PTPRZ1: variants seen among roughly 807,000 people sequenced by gnomAD.
PTPRZ1 encodes receptor-type tyrosine-protein phosphatase zeta.
Under a neutral mutation model 214.1 loss-of-function variants are expected in PTPRZ1, and 82 were observed. The observed-to-expected ratio is 0.38, with a 90% CI of 0.32 to 0.46. PTPRZ1 has a LOEUF of 0.46. Among genes scored for constraint, PTPRZ1 ranks in the 20% least tolerant of loss-of-function variants. The pLI is 1.00. For synonymous variants in PTPRZ1, 945 were observed against 987.9 expected, an observed-to-expected ratio of 0.96 and a Z score of 0.81; for missense variants, 2,603 against 2,748.7, an observed-to-expected ratio of 0.95 and a Z score of 1.19.
At chr7:122,050,289 C>A (rs1475620826) in intron 23 of PTPRZ1, among the ~76,000 whole-genome samples, 1 of 150,970 alleles carries the variant, frequency 6.6e-6, no homozygotes, top group African/African-American at 2.4e-5. Flanking sequence ...TAAAAAATAC[C>A]AAAATTAGCC....
At chr7:122,051,361 G>A in intron 23 of PTPRZ1, 67 bp from the exon 24 acceptor site, 9 of 628,768 alleles carry the variant, frequency 1.4e-5, no homozygotes, top group East Asian at 3.9e-5. Flanking sequence ...CTGTATGTAT[G>A]TGTGTGTGTG....
chr7:121,885,010 A>G (rs1489131533), intron 1 of PTPRZ1, among the ~76,000 whole-genome samples: 1 of 152,144 alleles, frequency 6.6e-6, no homozygotes, highest in Non-Finnish European at 1.5e-5. Context: ...AAATAACAAT[A>G]AGCCTGTATT....
chr7:121,957,570 G>A (rs1321256997), intron 2 of PTPRZ1, among the ~76,000 whole-genome samples: 2 of 152,130 alleles, frequency 1.3e-5, no homozygotes, highest in African/African-American at 4.8e-5. Flanking sequence ...CTCCTCCCTT[G>A]CAGTGAATGA....
chr7:122,017,377 A>T (rs2052096), intron 12 of PTPRZ1, among the ~76,000 whole-genome samples: 29,907 of 151,844 alleles, frequency 0.2, 3,064 homozygotes, highest in Admixed American at 0.25. Context: ...TATTAGCTAC[A>T]ACTCAGGGCT....
At chr7:121,888,706 G>A (rs1317781692) in intron 1 of PTPRZ1, among the ~76,000 whole-genome samples, 1 of 152,066 alleles carries the variant, frequency 6.6e-6, no homozygotes, top group Non-Finnish European at 1.5e-5. Context: ...AGGACAAAAT[G>A]TAATTGTTAT....
rs1305747317 is a variant in PTPRZ1 at position 122,044,174 on chromosome 7, C to T, written c.5938-248C>T. On this transcript the variant is annotated intron_variant, in intron 22 of 29. Transcript: ENST00000393386. Reference sequence around the variant, plus strand: ...TTGCCTTGCCAACTCTTCCTGCCTCCTAACCTATTGTGTATTGCCAACAAT... The same window carrying T: ...TTGCCTTGCCAACTCTTCCTGCCTCTTAACCTATTGTGTATTGCCAACAAT... Among the ~76,000 whole-genome samples the T allele has an allele frequency of 3.3e-5, 5 of 152,110 alleles. No homozygotes were observed. The South Asian group carries it at 1.0e-3, about 32-fold the overall frequency.
intron 17 of PTPRZ1, among the ~76,000 whole-genome samples, chr7:122,034,979 T>C (rs1799492270): frequency 6.6e-6 from 1 of 152,128 alleles, no homozygotes; most frequent in Admixed American, 6.6e-5. Flanking sequence ...CTTTCTTCTG[T>C]CTTCTTATAG....
intron 2 of PTPRZ1, among the ~76,000 whole-genome samples, chr7:121,933,566 T>C (rs1210725966): frequency 6.6e-6 from 1 of 152,166 alleles, no homozygotes; most frequent in Non-Finnish European, 1.5e-5. Context: ...TCGCTGGATA[T>C]GCTAGAATGA....
chr7:121,916,354 C>T (rs1795426764), intron 1 of PTPRZ1, among the ~76,000 whole-genome samples: 1 of 151,860 alleles, frequency 6.6e-6, no homozygotes, highest in Admixed American at 6.6e-5. Flanking sequence ...TTAATTATCT[C>T]TAGGTGTCCC....
At chr7:121,942,063 CATAGATG>C (rs1253147501) in intron 2 of PTPRZ1, among the ~76,000 whole-genome samples, 1 of 152,166 alleles carries the variant, frequency 6.6e-6, no homozygotes, top group Non-Finnish European at 1.5e-5. Context: ...ATCAATTTCT[CATAGATG>C]ATTGCCTGAA....
intron 1 of PTPRZ1, among the ~76,000 whole-genome samples, chr7:121,875,449 G>T (rs1277404423): frequency 6.6e-6 from 1 of 152,132 alleles, no homozygotes; most frequent in East Asian, 1.9e-4. Flanking sequence ...ATTTGCAAAG[G>T]TTTTTCTCTG....
At chr7:121,967,515 A>T (rs1295477311) in intron 2 of PTPRZ1, among the ~76,000 whole-genome samples, 1 of 152,204 alleles carries the variant, frequency 6.6e-6, no homozygotes, top group African/African-American at 2.4e-5. Context: ...GGCTAGGACT[A>T]ACTACCTTAC....
rs1793936122 is a variant in PTPRZ1, at chr7:121,873,309, G to T, written c.-191G>T. ...TCTCTGACTGTCTCTCTCTGTCTCT[G>T]TCTCTGTCTCTCTCTCTCTCACACA... On this transcript the variant is annotated 5_prime_UTR_variant, in exon 1 of 30. Transcript: ENST00000393386. 1.8e-6 allele frequency: 1 copy of T among 551,324 alleles called. No individual in the cohort carries two copies. The highest frequency in any genetic ancestry group is 3.2e-6 in the Non-Finnish European group (1 of 316,176). The allele number at this position is 551,324 out of a possible 1,614,324, so 34.2% of individuals were successfully genotyped here. A position where few individuals can be genotyped will look rare whatever the true frequency, so the allele number is the denominator to read the frequency against.
intron 3 of PTPRZ1, among the ~76,000 whole-genome samples, chr7:121,968,462 G>A (rs984697954): frequency 2.6e-5 from 4 of 151,976 alleles, no homozygotes; most frequent in Admixed American, 2.6e-4. Context: ...GAGCATTATA[G>A]TTTGATCTTT....
At position 121,921,591 on chromosome 7, in the gene PTPRZ1, CAT is replaced by C. The variant is rs149653137; in HGVS notation, c.59-6562_59-6561del. Among the ~76,000 whole-genome samples, 15 of 152,224 alleles carry C rather than the reference CAT, an allele frequency of 9.9e-5. 1 individual carries two copies. In the East Asian group the frequency reaches 2.9e-3, roughly 29 times the overall value. On this transcript the variant is annotated intron_variant, in intron 1 of 29. Transcript: ENST00000393386. ...AGAGGTTACCTGGACTCTTATAACT[CAT>C]ATTTTTCCAGAATTACCTCTTTTTA...
intron 1 of PTPRZ1, among the ~76,000 whole-genome samples, chr7:121,918,860 A>G (rs1357826360): frequency 1.3e-5 from 2 of 151,478 alleles, no homozygotes; most frequent in African/African-American, 4.9e-5. Context: ...AAAAAAATCA[A>G]TAAATATATT....
chr7:122,037,261 T>G (rs1147490), intron 18 of PTPRZ1, among the ~76,000 whole-genome samples: 1 of 149,848 alleles, frequency 6.7e-6, no homozygotes, highest in Non-Finnish European at 1.5e-5. Context: ...GGCAACAGAG[T>G]GAGACTCCGT....
At chr7:122,054,666 TAC>T (rs951245297) in intron 26 of PTPRZ1, among the ~76,000 whole-genome samples, 1 of 152,116 alleles carries the variant, frequency 6.6e-6, no homozygotes, top group Non-Finnish European at 1.5e-5. Context: ...GAATCTTCTG[TAC>T]TCAGTTGTCA....
intron 2 of PTPRZ1, among the ~76,000 whole-genome samples, chr7:121,960,706 T>G (rs541827408): frequency 1.3e-4 from 19 of 151,916 alleles, no homozygotes; most frequent in Non-Finnish European, 2.2e-4. Context: ...TCTGCATAAT[T>G]TAATCATTTT....
Sources: allele counts gnomAD v4.1 joint callset (sites outside exome capture counted in the v4.1 genomes callset), GRCh38; gene constraint gnomAD v4.1.1; transcripts MANE v1.5; gene names NCBI Gene and HGNC (gene_info 2026-07-23, HGNC 2026-07-21).